The following PARD3 variants were observed in gnomAD, a reference collection of about 807,000 sequenced individuals.
PARD3 encodes partitioning defective 3 homolog.
PARD3 carries 75 observed loss-of-function variants against 155.4 expected under a neutral mutation model. That is an observed-to-expected ratio of 0.48 (90% CI 0.40 to 0.58). PARD3 has a LOEUF of 0.58. Among genes scored for constraint, PARD3 ranks in the 20% least tolerant of loss-of-function variants. The pLI, the probability that PARD3 is intolerant of heterozygous loss-of-function variation, is 0.00. For missense variants in PARD3, 1,642 were observed against 1,721.7 expected (o/e 0.95, Z 0.82); for synonymous variants, 576 against 610.5 (o/e 0.94, Z 0.83).
chr10:34,275,113 C>T (rs911650300), intron 21 of PARD3, among the ~76,000 whole-genome samples: 7 of 152,158 alleles, frequency 4.6e-5, no homozygotes, highest in South Asian at 4.1e-4. Flanking sequence ...TATGACTAAT[C>T]GCCACCAGTC....
intron 22 of PARD3, among the ~76,000 whole-genome samples, chr10:34,191,506 C>G (rs1021563778): frequency 1.3e-5 from 2 of 152,016 alleles, no homozygotes; most frequent in Non-Finnish European, 2.9e-5. Context: ...ATCTCCTGGC[C>G]CAAGGAGGAA....
Position 34,303,162 on chromosome 10 carries a change from AT to A in PARD3, c.3065+13944del, listed in dbSNP as rs5784409. 3.4e-3 allele frequency among the ~76,000 whole-genome samples: 443 copies of A among 131,954 alleles called. 4 individuals are homozygous for A. The highest frequency in any genetic ancestry group is 0.01 in the African/African-American group (338 of 33,520). The allele number at this position is 131,954 out of a possible 152,430, so 86.6% of individuals were successfully genotyped here. ...AGAATTTATTTTACTGCCCAGGTGAATTTTTTTTTTTTTTTTTTTTGTGCAA... is the reference window on the plus strand; with the variant it reads ...AGAATTTATTTTACTGCCCAGGTGAATTTTTTTTTTTTTTTTTTTGTGCAA... On this transcript the variant is annotated intron_variant, in intron 20 of 24. Coordinates refer to ENST00000374788, the MANE Select transcript of PARD3 (RefSeq NM_001184785.2).
chr10:34,485,741 A>T (rs557171945), intron 3 of PARD3, among the ~76,000 whole-genome samples: 1 of 152,144 alleles, frequency 6.6e-6, no homozygotes, highest in African/African-American at 2.4e-5. Flanking sequence ...TTTTAATCAG[A>T]CTTAAAAAGG....
chr10:34,281,485 G>C (rs1031058536), intron 21 of PARD3, among the ~76,000 whole-genome samples: 19 of 152,240 alleles, frequency 1.2e-4, no homozygotes, highest in Middle Eastern at 3.4e-3. Flanking sequence ...AGGGCTAGTA[G>C]AGCAGAGCAC....
At chr10:34,811,778 T>C (rs988863032) in intron 1 of PARD3, among the ~76,000 whole-genome samples, 7 of 152,286 alleles carry the variant, frequency 4.6e-5, no homozygotes, top group African/African-American at 1.7e-4. Context: ...CACACAGCGC[T>C]GCAGCTCAGC....
At chr10:34,255,695 T>G (rs1954618822) in intron 22 of PARD3, among the ~76,000 whole-genome samples, 1 of 152,234 alleles carries the variant, frequency 6.6e-6, no homozygotes, top group African/African-American at 2.4e-5. Flanking sequence ...AATAACACTT[T>G]TCTTCATGGA....
chr10:34,314,607 G>C (rs1054282716), intron 20 of PARD3, among the ~76,000 whole-genome samples: 10 of 152,208 alleles, frequency 6.6e-5, no homozygotes, highest in African/African-American at 2.4e-4. Flanking sequence ...ACTCTGTTTT[G>C]TGGAATTCCA....
intron 18 of PARD3, among the ~76,000 whole-genome samples, chr10:34,334,646 A>G (rs1835962979): frequency 6.6e-6 from 1 of 151,782 alleles, no homozygotes; most frequent in African/African-American, 2.4e-5. Flanking sequence ...TAGATGTAAA[A>G]TCAACAGACC....
intron 20 of PARD3, among the ~76,000 whole-genome samples, chr10:34,287,375 C>G (rs575848108): frequency 6.9e-4 from 105 of 151,996 alleles, no homozygotes; most frequent in Admixed American, 3.9e-3. Context: ...AGACATTGTG[C>G]TGGCTCACAT....
intron 2 of PARD3, among the ~76,000 whole-genome samples, chr10:34,610,706 A>G (rs1240458042): frequency 6.6e-6 from 1 of 152,160 alleles, no homozygotes; most frequent in Non-Finnish European, 1.5e-5. Flanking sequence ...GTTTTATTTC[A>G]GTTTATAATC....
intron 5 of PARD3, among the ~76,000 whole-genome samples, chr10:34,421,595 G>A (rs996896445): frequency 6.6e-6 from 1 of 152,040 alleles, no homozygotes; most frequent in Admixed American, 6.6e-5. Flanking sequence ...TTTCCTAGCT[G>A]CAAGCTCATT....
At chr10:34,477,564 A>C (rs1220647254) in intron 3 of PARD3, among the ~76,000 whole-genome samples, 1 of 152,230 alleles carries the variant, frequency 6.6e-6, no homozygotes, top group Non-Finnish European at 1.5e-5. Flanking sequence ...CTTTTAAATA[A>C]GTGGAAGAAA....
Position 34,341,548 on chromosome 10 carries a change from G to T in PARD3, c.2408+79C>A, listed in dbSNP as rs147551302. Reference sequence around the variant, plus strand: ...AGAGCTATTAAAAAAATGATTAACTGTATTTAGCAGTAAGCCACTTAAACA... The same window carrying T: ...AGAGCTATTAAAAAAATGATTAACTTTATTTAGCAGTAAGCCACTTAAACA... On this transcript the variant is annotated intron_variant, in intron 16 of 24. Transcript: ENST00000374788. 2.1e-4 allele frequency: 222 copies of T among 1,073,074 alleles called. No individual in the cohort carries two copies. The East Asian group carries it at 4.4e-3, about 21-fold the overall frequency. 66.5% of individuals were successfully genotyped at this position (1,073,074 alleles called of 1,614,324 possible). A position where few individuals can be genotyped will look rare whatever the true frequency, so the allele number is the denominator to read the frequency against.
chr10:34,753,571 G>C (rs977143572), intron 1 of PARD3, among the ~76,000 whole-genome samples: 3 of 152,220 alleles, frequency 2.0e-5, no homozygotes, highest in Non-Finnish European at 4.4e-5. Context: ...GCTGATGCCT[G>C]TGAAACCACC....
chr10:34,496,809 C>T (rs1407815355), intron 3 of PARD3, among the ~76,000 whole-genome samples: 1 of 152,150 alleles, frequency 6.6e-6, no homozygotes, highest in Non-Finnish European at 1.5e-5. Flanking sequence ...GCAACATTTA[C>T]AAAACATTCA....
At chr10:34,484,632 T>A in intron 3 of PARD3, among the ~76,000 whole-genome samples, 1 of 152,162 alleles carries the variant, frequency 6.6e-6, no homozygotes, top group East Asian at 1.9e-4. Flanking sequence ...ATATACAACA[T>A]AGACCTGGTC....
chr10:34,684,647 G>A (rs1463742931), intron 2 of PARD3, among the ~76,000 whole-genome samples: 1 of 152,052 alleles, frequency 6.6e-6, no homozygotes, highest in Non-Finnish European at 1.5e-5. Context: ...ACTGGCCTCT[G>A]CCTTCCATGC....
chr10:34,759,118 GAAAA>G (rs1362481208), intron 1 of PARD3, among the ~76,000 whole-genome samples: 1 of 146,640 alleles, frequency 6.8e-6, no homozygotes, highest in African/African-American at 2.5e-5. Flanking sequence ...TTTTTAAAAA[GAAAA>G]AAAGAAAAAA....
intron 4 of PARD3, among the ~76,000 whole-genome samples, chr10:34,455,375 A>G (rs1197097256): frequency 1.3e-5 from 2 of 152,192 alleles, no homozygotes; most frequent in African/African-American, 4.8e-5. Flanking sequence ...ATGGTAAAAG[A>G]GAATTCAATG....
Sources: allele counts gnomAD v4.1 joint callset (sites outside exome capture counted in the v4.1 genomes callset), GRCh38; gene constraint gnomAD v4.1.1; transcripts MANE v1.5; gene names NCBI Gene and HGNC (gene_info 2026-07-23, HGNC 2026-07-21).